ENTREP2: variants seen among roughly 807,000 people sequenced by gnomAD.
ENTREP2 encodes protein ENTREP2.
At chr15:29,670,715 C>T in the ENTREP2 span, among the ~76,000 whole-genome samples, 1 of 152,130 alleles carries the variant, frequency 6.6e-6, no homozygotes, top group Non-Finnish European at 1.5e-5. Flanking sequence ...ACACAAAGGG[C>T]CTGCAGTGAG....
At chr15:29,312,278 CAT>C in the ENTREP2 span, among the ~76,000 whole-genome samples, 1 of 151,138 alleles carries the variant, frequency 6.6e-6, no homozygotes, top group Non-Finnish European at 1.5e-5. Flanking sequence ...ATTTGCAGAG[CAT>C]ATGTTTATGT....
chr15:29,614,892 A>AT, the ENTREP2 span, among the ~76,000 whole-genome samples: 262 of 149,596 alleles, frequency 1.8e-3, 1 homozygote, highest in African/African-American at 5.8e-3. Context: ...CCACGTCTCT[A>AT]TTTTTTTTTT....
chr15:29,305,222 C>A, the ENTREP2 span, among the ~76,000 whole-genome samples: 1 of 152,140 alleles, frequency 6.6e-6, no homozygotes, highest in Non-Finnish European at 1.5e-5. Flanking sequence ...AAATTCTCTG[C>A]CAGAATTTCT....
the ENTREP2 span, among the ~76,000 whole-genome samples, chr15:29,328,844 G>C: frequency 6.6e-6 from 1 of 152,130 alleles, no homozygotes; most frequent in Non-Finnish European, 1.5e-5. Flanking sequence ...GTTATATATA[G>C]AAATAGTTAC....
the ENTREP2 span, among the ~76,000 whole-genome samples, chr15:29,644,828 GAAAAAAAAAGAAAGA>G: frequency 1.2e-4 from 16 of 133,664 alleles, no homozygotes; most frequent in South Asian, 3.7e-3. Flanking sequence ...AAAAAAAAAA[GAAAAAAAAAGAAAGA>G]AAAGAAAAAG....
chr15:29,543,507 G>A, the ENTREP2 span, among the ~76,000 whole-genome samples: 1 of 150,562 alleles, frequency 6.6e-6, no homozygotes, highest in Non-Finnish European at 1.5e-5. Context: ...TTGGACAGGT[G>A]CAGTGGCTCA....
chr15:29,456,491 C>T, the ENTREP2 span, among the ~76,000 whole-genome samples: 3 of 152,124 alleles, frequency 2.0e-5, no homozygotes, highest in Admixed American at 2.0e-4. Flanking sequence ...AGAAACAAAA[C>T]CTGCCCTAAC....
the ENTREP2 span, among the ~76,000 whole-genome samples, chr15:29,648,274 A>T: frequency 6.6e-6 from 1 of 152,202 alleles, no homozygotes; most frequent in African/African-American, 2.4e-5. Context: ...ATGTGCCTTA[A>T]CAGTGGTTGC....
the ENTREP2 span, among the ~76,000 whole-genome samples, chr15:29,499,020 C>T: frequency 6.6e-6 from 1 of 152,192 alleles, no homozygotes; most frequent in Non-Finnish European, 1.5e-5. Context: ...CCTTCACATT[C>T]GGTTTATGTA....
At chr15:29,407,499 C>G in the ENTREP2 span, among the ~76,000 whole-genome samples, 1 of 152,062 alleles carries the variant, frequency 6.6e-6, no homozygotes, top group South Asian at 2.1e-4. Flanking sequence ...AAGACATGGG[C>G]TCAAGAAAAC....
the ENTREP2 span, among the ~76,000 whole-genome samples, chr15:29,172,838 C>A: frequency 6.6e-6 from 1 of 152,228 alleles, no homozygotes; most frequent in African/African-American, 2.4e-5. Context: ...CCCCTCTCAC[C>A]TGGACTCTGA....
chr15:29,657,483 C>CGGGCGGGG, the ENTREP2 span, among the ~76,000 whole-genome samples: 3 of 69,382 alleles, frequency 4.3e-5, no homozygotes, highest in African/African-American at 1.8e-4. Context: ...GCTGGGGGGG[C>CGGGCGGGG]GGGGGGGGGG....
At chr15:29,479,332 G>A in the ENTREP2 span, among the ~76,000 whole-genome samples, 106 of 152,144 alleles carry the variant, frequency 7.0e-4, no homozygotes, top group African/African-American at 2.5e-3. Context: ...CTCCCCAGAA[G>A]CAGATGCCGC....
At chr15:29,358,132 A>T in the ENTREP2 span, among the ~76,000 whole-genome samples, 1 of 152,164 alleles carries the variant, frequency 6.6e-6, no homozygotes, top group Non-Finnish European at 1.5e-5. Flanking sequence ...GCATTTAAAC[A>T]TTCACAGCAA....
At chr15:29,163,801 A>G in the ENTREP2 span, among the ~76,000 whole-genome samples, 14 of 152,330 alleles carry the variant, frequency 9.2e-5, no homozygotes, top group East Asian at 2.7e-3. Context: ...ATCCAAGTGC[A>G]AGAAGAACAA....
the ENTREP2 span, chr15:29,123,466 T>A: frequency 6.4e-7 from 1 of 1,551,554 alleles, no homozygotes; most frequent in Non-Finnish European, 8.7e-7. Flanking sequence ...GTGTGAGTGT[T>A]CCAAAAACTT....
At chr15:29,258,380 G>A in the ENTREP2 span, among the ~76,000 whole-genome samples, 3 of 152,044 alleles carry the variant, frequency 2.0e-5, no homozygotes, top group Non-Finnish European at 4.4e-5. Context: ...CATCACGAAA[G>A]CAAACCTACA....
chr15:29,234,767 T>C, the ENTREP2 span: 7,324 of 1,494,500 alleles, frequency 4.9e-3, 294 homozygotes, highest in African/African-American at 0.086. Flanking sequence ...TTGCTCAACA[T>C]TGGTATAAAA....
the ENTREP2 span, among the ~76,000 whole-genome samples, chr15:29,460,924 A>G: frequency 6.6e-6 from 1 of 152,210 alleles, no homozygotes; most frequent in Non-Finnish European, 1.5e-5. Context: ...AAAGTGATTC[A>G]GCTTTACAGT....
Sources: allele counts gnomAD v4.1 joint callset (sites outside exome capture counted in the v4.1 genomes callset), GRCh38; gene constraint gnomAD v4.1.1; transcripts MANE v1.5; gene names NCBI Gene and HGNC (gene_info 2026-07-23, HGNC 2026-07-21).